The following CAMKMT variants were observed in gnomAD, a reference collection of about 807,000 sequenced individuals.
CAMKMT encodes calmodulin-lysine N-methyltransferase, also known as CaM KMT.
A neutral mutation model predicts 48.0 loss-of-function variants in CAMKMT; 53 were observed. The ratio of observed to expected loss-of-function variants is 1.10; its 90% CI spans 0.89 to 1.39. The LOEUF (loss-of-function observed/expected upper bound fraction) is 1.39. Among genes scored for constraint, CAMKMT ranks in the 40% most tolerant of loss-of-function variants. The pLI is 0.00. For missense variants in CAMKMT, 428 were observed against 402.7 expected (o/e 1.06, Z -0.54); for synonymous variants, 165 against 152.3 (o/e 1.08, Z -0.61).
intron 3 of CAMKMT, among the ~76,000 whole-genome samples, chr2:44,680,976 C>T (rs1420769606): frequency 2.6e-5 from 4 of 152,164 alleles, no homozygotes; most frequent in African/African-American, 7.2e-5. Flanking sequence ...AACTTCTTGT[C>T]TTGTGTTTTT....
rs1045862882 is a variant in CAMKMT at position 44,380,900 on chromosome 2, A to G, written c.311+8012A>G. ...CTTTCGGCCGGGCATGGTGGCTCAC[A>G]CCTGTAATCCCAGCACTTTGGGAGG... On this transcript the variant is annotated intron_variant, in intron 2 of 10. Transcript: ENST00000378494. 2.6e-5 allele frequency among the ~76,000 whole-genome samples: 4 copies of G among 152,170 alleles called. No homozygotes were observed. In the East Asian group the frequency reaches 7.7e-4, roughly 29 times the overall value.
At chr2:44,715,192 CAAAAAA>C (rs35173334) in intron 6 of CAMKMT, 89 bp from the exon 7 acceptor site, 1,051 of 425,856 alleles carry the variant, frequency 2.5e-3, no homozygotes, top group South Asian at 5.0e-3. Flanking sequence ...GACCCTGTCT[CAAAAAA>C]AAAAAAAAAA....
At chr2:44,682,660 C>G (rs1472667453) in intron 3 of CAMKMT, among the ~76,000 whole-genome samples, 1 of 152,178 alleles carries the variant, frequency 6.6e-6, no homozygotes, top group Non-Finnish European at 1.5e-5. Context: ...ACCGAGCTAT[C>G]ACAGCCTCAG....
At chr2:44,730,208 C>A (rs1053829533) in intron 7 of CAMKMT, among the ~76,000 whole-genome samples, 1 of 152,170 alleles carries the variant, frequency 6.6e-6, no homozygotes, top group Admixed American at 6.5e-5. Flanking sequence ...AGCCTCCAAA[C>A]CCTGGCCTCT....
chr2:44,561,600 A>G (rs1394193983), intron 3 of CAMKMT, among the ~76,000 whole-genome samples: 4 of 152,182 alleles, frequency 2.6e-5, no homozygotes, highest in East Asian at 1.9e-4. Flanking sequence ...CAATCAATTC[A>G]GCTAGTTTTT....
At chr2:44,751,281 T>G (rs2104385723) in intron 8 of CAMKMT, among the ~76,000 whole-genome samples, 1 of 152,296 alleles carries the variant, frequency 6.6e-6, no homozygotes, top group East Asian at 1.9e-4. Context: ...CGTACATTAT[T>G]TCATGCTCAG....
At chr2:44,691,260 C>A (rs1213296359) in intron 3 of CAMKMT, among the ~76,000 whole-genome samples, 1 of 152,182 alleles carries the variant, frequency 6.6e-6, no homozygotes, top group East Asian at 1.9e-4. Flanking sequence ...TCCTCTGGTC[C>A]TGTCTCCATT....
chr2:44,443,269 A>T (rs1184890331), intron 3 of CAMKMT, among the ~76,000 whole-genome samples: 1 of 152,154 alleles, frequency 6.6e-6, no homozygotes, highest in Non-Finnish European at 1.5e-5. Context: ...TCATCTGACA[A>T]AGGAGGCTTT....
intron 3 of CAMKMT, among the ~76,000 whole-genome samples, chr2:44,584,658 G>A (rs1669750420): frequency 6.6e-6 from 1 of 152,136 alleles, no homozygotes; most frequent in African/African-American, 2.4e-5. Flanking sequence ...ATAAAGCATG[G>A]TATTCAGTTC....
chr2:44,410,014 T>A (rs1033374414), intron 3 of CAMKMT, among the ~76,000 whole-genome samples: 24 of 151,920 alleles, frequency 1.6e-4, no homozygotes, highest in Admixed American at 1.2e-3. Context: ...ATAACTGCTG[T>A]GGAAGTATAG....
chr2:44,758,170 G>A (rs929217044), intron 9 of CAMKMT, among the ~76,000 whole-genome samples: 1 of 152,208 alleles, frequency 6.6e-6, no homozygotes, highest in African/African-American at 2.4e-5. Flanking sequence ...GGGAACAAAT[G>A]AATTCTGCCA....
chr2:44,675,085 GAAAA>G lies in CAMKMT; in HGVS notation c.377-29190_377-29187del, dbSNP rs201919086. Among the ~76,000 whole-genome samples, 1,169 of 146,420 alleles carry G rather than the reference GAAAA, an allele frequency of 8.0e-3. 9 individuals carry two copies. The highest frequency in any genetic ancestry group is 0.013 in the Non-Finnish European group (843 of 66,144). ...CGGGATTTACCAACCTTAAGGGGGG[GAAAA>G]AAAAAAAGGCAAGCCAGCAAATGAT... is the stretch of plus-strand genomic sequence containing the variant. On this transcript the variant is annotated intron_variant, in intron 3 of 10. Transcript: ENST00000378494.
At chr2:44,527,071 C>G (rs2104815064) in intron 3 of CAMKMT, among the ~76,000 whole-genome samples, 1 of 148,986 alleles carries the variant, frequency 6.7e-6, no homozygotes, top group African/African-American at 2.5e-5. Context: ...CCCCTTATTC[C>G]TTGACAACCA....
At chr2:44,451,896 C>T (rs1667307614) in intron 3 of CAMKMT, among the ~76,000 whole-genome samples, 1 of 151,228 alleles carries the variant, frequency 6.6e-6, no homozygotes, top group Non-Finnish European at 1.5e-5. Context: ...TAGCCAATAG[C>T]CAAAAACCTT....
intron 3 of CAMKMT, among the ~76,000 whole-genome samples, chr2:44,422,652 T>C (rs1253076843): frequency 6.6e-6 from 1 of 152,232 alleles, no homozygotes; most frequent in Non-Finnish European, 1.5e-5. Flanking sequence ...AAGTCCAGAA[T>C]TGGACTATCC....
intron 3 of CAMKMT, among the ~76,000 whole-genome samples, chr2:44,486,026 G>A (rs1177042940): frequency 4.6e-5 from 7 of 152,110 alleles, no homozygotes; most frequent in African/African-American, 7.2e-5. Flanking sequence ...GTGCAGTGGT[G>A]CGGTCTCAGC....
At chr2:44,766,594 A>G (rs1680851755) in intron 10 of CAMKMT, 33 bp downstream of exon 10, 1 of 1,609,706 alleles carries the variant, frequency 6.2e-7, no homozygotes, top group African/African-American at 1.3e-5. Flanking sequence ...ATAACACTTT[A>G]ATCCGCATTG....
At chr2:44,634,898 A>C (rs1327282124) in intron 3 of CAMKMT, among the ~76,000 whole-genome samples, 1 of 151,554 alleles carries the variant, frequency 6.6e-6, no homozygotes, top group African/African-American at 2.4e-5. Flanking sequence ...TTCATTAATT[A>C]ATCATTCATT....
At chr2:44,592,502 G>T (rs940464362) in intron 3 of CAMKMT, among the ~76,000 whole-genome samples, 3 of 152,078 alleles carry the variant, frequency 2.0e-5, no homozygotes, top group Admixed American at 1.3e-4. Context: ...ATGGTCCTCA[G>T]TGCTTGGGTT....
Sources: allele counts gnomAD v4.1 joint callset (sites outside exome capture counted in the v4.1 genomes callset), GRCh38; gene constraint gnomAD v4.1.1; transcripts MANE v1.5; gene names NCBI Gene and HGNC (gene_info 2026-07-23, HGNC 2026-07-21).